Variants in STK3 observed in about 807,000 individuals in gnomAD.
STK3 encodes serine/threonine-protein kinase 3.
A neutral mutation model predicts 58.0 loss-of-function variants in STK3; 41 were observed. The ratio of observed to expected loss-of-function variants is 0.71; its 90% CI spans 0.55 to 0.92. STK3 has a LOEUF of 0.92. Ranked by LOEUF, STK3 falls within the 40% of genes least tolerant of loss-of-function variation. The pLI is 0.00. For missense variants in STK3, 479 were observed against 602.7 expected, an observed-to-expected ratio of 0.79 and a Z score of 2.15; for synonymous variants, 170 against 191.0, an observed-to-expected ratio of 0.89 and a Z score of 0.91.
chr8:98,499,735 T>A (rs2131355923), intron 10 of STK3, among the ~76,000 whole-genome samples: 2 of 152,270 alleles, frequency 1.3e-5, no homozygotes, highest in Middle Eastern at 3.4e-3. Context: ...GAAAGGAGAT[T>A]TGTCATATAG....
rs942006183 is a variant in STK3 at position 98,709,362 on chromosome 8, C to T, written c.352-2051G>A. On this transcript the variant is annotated intron_variant, in intron 4 of 10. Coordinates refer to ENST00000419617, the MANE Select transcript of STK3 (RefSeq NM_006281.4). ...TGGCTATCTGGGAACATACACTCCA[C>T]AAAAAGGAAAAAAAAAGATTAAAAT... is the stretch of plus-strand genomic sequence containing the variant. Among the ~76,000 whole-genome samples the T allele has an allele frequency of 7.3e-5, 11 of 151,126 alleles. No homozygotes were observed. The South Asian group carries it at 8.3e-4, about 11-fold the overall frequency.
chr8:98,393,380 G>C (rs1322211489), intron 3 of STK3, among the ~76,000 whole-genome samples: 1 of 152,098 alleles, frequency 6.6e-6, no homozygotes, highest in African/African-American at 2.4e-5. Flanking sequence ...TACAGATATG[G>C]CAATAGTCCT....
At chr8:98,546,022 C>T (rs1019569301) in intron 9 of STK3, among the ~76,000 whole-genome samples, 3 of 152,100 alleles carry the variant, frequency 2.0e-5, no homozygotes, top group African/African-American at 7.2e-5. Context: ...ACTGAAGTCT[C>T]ACATTACAGA....
intron 10 of STK3, among the ~76,000 whole-genome samples, chr8:98,506,337 C>T (rs1201706856): frequency 1.3e-5 from 2 of 152,200 alleles, no homozygotes; most frequent in African/African-American, 4.8e-5. Context: ...GGGAAATCCC[C>T]TGACCCCTTG....
chr8:98,735,847 T>G (rs1432158602), intron 4 of STK3, among the ~76,000 whole-genome samples: 2 of 152,222 alleles, frequency 1.3e-5, no homozygotes, highest in Non-Finnish European at 2.9e-5. Flanking sequence ...TATGCCTTCA[T>G]CTTTTCCTAC....
At chr8:98,771,992 TTAAG>T (rs1232628523) in intron 2 of STK3, among the ~76,000 whole-genome samples, 23 of 152,328 alleles carry the variant, frequency 1.5e-4, no homozygotes, top group South Asian at 2.1e-4. Context: ...TCTAAGTTCT[TTAAG>T]TAAGCACTAA....
At chr8:98,548,734 G>A (rs573808096) in intron 8 of STK3, among the ~76,000 whole-genome samples, 17 of 152,056 alleles carry the variant, frequency 1.1e-4, no homozygotes, top group Admixed American at 2.0e-4. Context: ...CCTTTCCCCA[G>A]CCCTGGCAAC....
At chr8:98,876,581 A>G (rs983331131) in intron 3 of STK3, among the ~76,000 whole-genome samples, 2 of 152,198 alleles carry the variant, frequency 1.3e-5, no homozygotes, top group African/African-American at 4.8e-5. Flanking sequence ...GAAGGACCAC[A>G]GGAACACTCT....
the STK3 span, among the ~76,000 whole-genome samples, chr8:98,348,438 G>T: frequency 6.6e-6 from 1 of 152,140 alleles, no homozygotes; most frequent in South Asian, 2.1e-4. Flanking sequence ...TAAAATTAAA[G>T]ACTTCTGCTT....
At chr8:98,347,330 C>T in the STK3 span, among the ~76,000 whole-genome samples, 16 of 151,828 alleles carry the variant, frequency 1.1e-4, no homozygotes, top group South Asian at 4.1e-4. Context: ...CTGCCTAACA[C>T]GGTGAAACCC....
At chr8:98,865,591 C>T (rs1049995483) in intron 3 of STK3, among the ~76,000 whole-genome samples, 3 of 152,080 alleles carry the variant, frequency 2.0e-5, no homozygotes, top group African/African-American at 7.2e-5. Flanking sequence ...TGGTCTTTGT[C>T]CTCCCACCTT....
chr8:98,487,029 A>G (rs375600661), intron 10 of STK3, among the ~76,000 whole-genome samples: 8 of 152,300 alleles, frequency 5.3e-5, no homozygotes, highest in African/African-American at 1.9e-4. Context: ...AAAAATGTTT[A>G]TTTTTTAATC....
At chr8:98,552,902 T>C (rs1455204230) in intron 8 of STK3, among the ~76,000 whole-genome samples, 4 of 152,156 alleles carry the variant, frequency 2.6e-5, no homozygotes, top group South Asian at 2.1e-4. Flanking sequence ...ACACCAGACA[T>C]TGGAGATGAA....
chr8:98,685,411 C>A (rs1156471047), intron 6 of STK3, among the ~76,000 whole-genome samples: 1 of 152,130 alleles, frequency 6.6e-6, no homozygotes, highest in African/African-American at 2.4e-5. Context: ...TCAGGGGTGA[C>A]CCCAGCAGGC....
intron 1 of STK3, among the ~76,000 whole-genome samples, chr8:98,914,729 A>G (rs894470237): frequency 1.3e-5 from 2 of 152,204 alleles, no homozygotes; most frequent in Admixed American, 6.5e-5. Context: ...GCTTGGGGGC[A>G]TGTAAGAGCT....
downstream of STK3, chr8:98,878,892 T>C (rs1837676131): frequency 6.8e-6 from 1 of 147,182 alleles, no homozygotes; most frequent in African/African-American, 2.5e-5. Context: ...TATTTTCTTT[T>C]TTCTTTTTTT....
At chr8:98,656,769 T>C (rs1402328620) in intron 6 of STK3, among the ~76,000 whole-genome samples, 2 of 152,156 alleles carry the variant, frequency 1.3e-5, no homozygotes, top group Non-Finnish European at 2.9e-5. Flanking sequence ...TTATTGTTTA[T>C]AACTGTTTCT....
chr8:98,695,792 T>C (rs1824860634), intron 6 of STK3, among the ~76,000 whole-genome samples: 2 of 152,182 alleles, frequency 1.3e-5, no homozygotes, highest in South Asian at 2.1e-4. Flanking sequence ...TGAAGTCAGG[T>C]AGTGTGATGC....
chr8:98,344,879 C>T, the STK3 span, among the ~76,000 whole-genome samples: 1 of 108,078 alleles, frequency 9.3e-6, no homozygotes, highest in Admixed American at 1.5e-4. Context: ...GGCGACAGAG[C>T]GAGACTCCGT....
Sources: allele counts gnomAD v4.1 joint callset (sites outside exome capture counted in the v4.1 genomes callset), GRCh38; gene constraint gnomAD v4.1.1; transcripts MANE v1.5; gene names NCBI Gene and HGNC (gene_info 2026-07-23, HGNC 2026-07-21).